The following CBLB variants were observed in gnomAD, a reference collection of about 807,000 sequenced individuals.
CBLB encodes the protein Cbl proto-oncogene B, also known as E3 ubiquitin-protein ligase CBL-B.
In CBLB, 31 loss-of-function variants were observed where a neutral mutation model predicts 104.9. That is an observed-to-expected ratio of 0.30 (90% confidence interval 0.22 to 0.40). The LOEUF (loss-of-function observed/expected upper bound fraction) is 0.40, where lower values mean the gene tolerates loss of function less well. Among genes scored for constraint, CBLB ranks in the 10% least tolerant of loss-of-function variants. CBLB has a pLI of 1.00. For synonymous variants in CBLB, 440 were observed against 422.6 expected (o/e 1.04, Z -0.51); for missense variants, 1,062 against 1,214.6 (o/e 0.87, Z 1.87).
chr3:105,798,012 G>A (rs7634195), intron 3 of CBLB, among the ~76,000 whole-genome samples: 122,358 of 152,250 alleles, frequency 0.8, 49,806 homozygotes, highest in Middle Eastern at 0.9. Context: ...CATATGAAGG[G>A]CAGATGCAGA....
chr3:105,856,819 A>C (rs559326695), intron 2 of CBLB, among the ~76,000 whole-genome samples: 1 of 152,204 alleles, frequency 6.6e-6, no homozygotes, highest in Non-Finnish European at 1.5e-5. Flanking sequence ...AGCTTTTTTT[A>C]CCCCCTTTTT....
At chr3:105,778,308 T>G (rs150412289) in intron 3 of CBLB, among the ~76,000 whole-genome samples, 3 of 152,236 alleles carry the variant, frequency 2.0e-5, no homozygotes, top group Non-Finnish European at 4.4e-5. Flanking sequence ...TATTTACTCA[T>G]GTATCTGTGT....
intron 4 of CBLB, among the ~76,000 whole-genome samples, chr3:105,753,184 A>G (rs2076742694): frequency 6.6e-6 from 1 of 152,168 alleles, no homozygotes. Flanking sequence ...TGCTGTATTT[A>G]TAAGAGAGTT....
At position 105,720,348 on chromosome 3, in the gene CBLB, A is replaced by G. The variant is rs761010742; in HGVS notation, c.1204-98T>C. On this transcript the variant is annotated intron_variant, in intron 9 of 18. Transcript: ENST00000394030. ...ACAACTATAAAAGTCACACCCCCAA[A>G]AAGACTTTTTGGGGTAGGAGGTGGG... is the stretch of plus-strand genomic sequence containing the variant. 103 of 1,188,772 alleles carry G rather than the reference A, an allele frequency of 8.7e-5. 1 individual carries two copies. The highest frequency in any genetic ancestry group is 1.1e-4 in the Non-Finnish European group (95 of 828,100). 73.6% of individuals were successfully genotyped at this position (1,188,772 alleles called of 1,614,324 possible).
In CBLB at chr3:105,780,347, G is replaced by A. The variant is rs570919166; in HGVS notation, c.420-3805C>T. Among the ~76,000 whole-genome samples the A allele has an allele frequency of 6.6e-5, 10 of 151,852 alleles. No homozygotes were observed. In the South Asian group the frequency reaches 2.1e-3, roughly 32 times the overall value. On this transcript the variant is annotated intron_variant, in intron 3 of 18. Coordinates refer to ENST00000394030, the MANE Select transcript of CBLB (RefSeq NM_170662.5). Reference sequence around the variant, plus strand: ...TAAGCCCATGGGATTTCCCATCATTGTAAGACCTAAAATGATGACTGCCTA... The same window carrying A: ...TAAGCCCATGGGATTTCCCATCATTATAAGACCTAAAATGATGACTGCCTA...
At chr3:105,813,976 C>A (rs2084668192) in intron 3 of CBLB, among the ~76,000 whole-genome samples, 1 of 152,078 alleles carries the variant, frequency 6.6e-6, no homozygotes, top group Admixed American at 6.6e-5. Context: ...GATCGTAGGA[C>A]AGAAAAAGTT....
chr3:105,822,355 C>T (rs192905902), intron 3 of CBLB, among the ~76,000 whole-genome samples: 3 of 152,236 alleles, frequency 2.0e-5, no homozygotes, highest in African/African-American at 4.8e-5. Flanking sequence ...AAGCTCAGGT[C>T]CTATTCTCAG....
At chr3:105,821,260 A>ATATCTATCTTTC (rs1553834229) in intron 3 of CBLB, among the ~76,000 whole-genome samples, 2 of 149,400 alleles carry the variant, frequency 1.3e-5, no homozygotes, top group Admixed American at 6.7e-5. Flanking sequence ...ATCTATATCT[A>ATATCTATCTTTC]TATCTATCTA....
chr3:105,720,205 C>T lies in CBLB; in HGVS notation c.1249G>A (p.Gly417Arg). The T allele has an allele frequency of 1.2e-6, 2 of 1,613,816 alleles. No homozygotes were observed. The highest frequency in any genetic ancestry group is 1.7e-6 in the Non-Finnish European group (2 of 1,179,906). ...GCPFCRCEIK[G>R]TEPIIVDPFD... ...GGGTCCACGATTATGGGCTCAGTTCCTTTTATTTCACAACGACAGAAAGGG... is the reference window on the plus strand; with the variant it reads ...GGGTCCACGATTATGGGCTCAGTTCTTTTTATTTCACAACGACAGAAAGGG... Residue 417 changes from glycine to arginine, a missense_variant, in exon 10 of 19, where the codon GGA becomes AGA. By Grantham distance (125) the Gly-to-Arg change is moderately radical. Around this residue, in one of 2 missense-constraint regions of CBLB, gnomAD observed 457 missense variants for 632.0 expected, o/e 0.72. Transcript: ENST00000394030.
At chr3:105,722,371 G>A (rs1331265501) in intron 9 of CBLB, among the ~76,000 whole-genome samples, 1 of 152,026 alleles carries the variant, frequency 6.6e-6, no homozygotes, top group Admixed American at 6.5e-5. Context: ...CATAAAATTT[G>A]AGGGAAAACT....
chr3:105,716,456 G>GT (rs1224225424), intron 10 of CBLB, among the ~76,000 whole-genome samples: 2 of 152,122 alleles, frequency 1.3e-5, no homozygotes, highest in East Asian at 3.9e-4. Context: ...ACAATTTAGT[G>GT]TAACTCCTGA....
At chr3:105,727,083 G>A (rs1047690779) in intron 9 of CBLB, among the ~76,000 whole-genome samples, 1 of 152,122 alleles carries the variant, frequency 6.6e-6, no homozygotes, top group African/African-American at 2.4e-5. Context: ...TGGGATTGCT[G>A]GGTCAAATGG....
At chr3:105,766,001 C>T (rs2078180079) in intron 4 of CBLB, among the ~76,000 whole-genome samples, 1 of 152,108 alleles carries the variant, frequency 6.6e-6, no homozygotes, top group African/African-American at 2.4e-5. Context: ...CTTTCTAATG[C>T]CACTAAGAAC....
intron 4 of CBLB, among the ~76,000 whole-genome samples, chr3:105,756,554 T>A (rs2077101846): frequency 6.6e-6 from 1 of 152,222 alleles, no homozygotes; most frequent in African/African-American, 2.4e-5. Flanking sequence ...AAAAATTTAA[T>A]GTAACTCAAA....
intron 18 of CBLB, among the ~76,000 whole-genome samples, chr3:105,659,559 C>T (rs1042790220): frequency 6.6e-6 from 1 of 152,060 alleles, no homozygotes; most frequent in African/African-American, 2.4e-5. Context: ...AAAAGGGAAG[C>T]CTTTCACTTT....
intron 3 of CBLB, among the ~76,000 whole-genome samples, chr3:105,811,776 C>A (rs1305055673): frequency 2.0e-5 from 3 of 151,950 alleles, no homozygotes; most frequent in Non-Finnish European, 2.9e-5. Flanking sequence ...ACGGCACGAA[C>A]CCGGCTCACA....
intron 12 of CBLB, among the ~76,000 whole-genome samples, chr3:105,697,850 G>A (rs940148959): frequency 2.6e-5 from 4 of 152,110 alleles, no homozygotes; most frequent in Non-Finnish European, 5.9e-5. Flanking sequence ...AATAATGACA[G>A]TTGGGTATAA....
At chr3:105,800,242 G>C (rs2082685877) in intron 3 of CBLB, among the ~76,000 whole-genome samples, 2 of 152,148 alleles carry the variant, frequency 1.3e-5, no homozygotes, top group Non-Finnish European at 2.9e-5. Context: ...CAGTATCCCA[G>C]AGAATCAATA....
At chr3:105,818,640 A>G (rs1160687474) in intron 3 of CBLB, among the ~76,000 whole-genome samples, 1 of 152,174 alleles carries the variant, frequency 6.6e-6, no homozygotes, top group Admixed American at 6.5e-5. Context: ...ATGCAACTGT[A>G]TATTACCACT....
Sources: allele counts gnomAD v4.1 joint callset (sites outside exome capture counted in the v4.1 genomes callset), GRCh38; gene constraint gnomAD v4.1.1; regional missense constraint gnomAD v4.1.1; transcripts MANE v1.5; gene names NCBI Gene and HGNC (gene_info 2026-07-23, HGNC 2026-07-21).